Variants in SLC6A16 observed in about 807,000 individuals in gnomAD.
SLC6A16 encodes solute carrier family 6 member 16.
Under a neutral mutation model 65.4 loss-of-function variants are expected in SLC6A16, and 54 were observed. The ratio of observed to expected loss-of-function variants is 0.83; its 90% CI spans 0.66 to 1.04. The LOEUF (loss-of-function observed/expected upper bound fraction) is 1.04. Ranked by LOEUF, SLC6A16 falls within the 50% of genes least tolerant of loss-of-function variation. The probability of loss-of-function intolerance (pLI) is 0.00; values close to 1 mark genes in which losing one functional copy is unlikely to be tolerated. For missense variants in SLC6A16, 816 were observed against 914.0 expected (o/e 0.89, Z 1.38); for synonymous variants, 330 against 346.5 (o/e 0.95, Z 0.53).
chr19:49,335,697 G>C, the SLC6A16 span: 19 of 1,613,438 alleles, frequency 1.2e-5, no homozygotes, highest in Non-Finnish European at 1.6e-5. This position sits in a 1 kb window ranked among gnomAD's most constrained non-coding sequence, Gnocchi z 4.6. Context: ...CCCCGTATCC[G>C]CATCTCCTCT....
chr19:49,293,977 A>G lies in SLC6A16; in HGVS notation c.1468T>C (p.Phe490Leu), dbSNP rs1268789887. 19 of 1,613,636 alleles carry G rather than the reference A, an allele frequency of 1.2e-5. No individual in the cohort carries two copies. Among genetic ancestry groups the G allele is most frequent in the Admixed American group, 3.3e-5 (2 of 60,006 alleles). ...AFLSFVEAMSFLPPSVFWSFI... is the reference protein window; with the variant it reads ...AFLSFVEAMSLLPPSVFWSFI... ...GACCAGAAGACAGACGGAGGAAGGA[A>G]GGACATGGCTTCAACAAAGGACAGG... is the stretch of plus-strand genomic sequence containing the variant. Residue 490 changes from phenylalanine (F) to leucine (L), a missense_variant, in exon 9 of 12, where the codon TTC becomes CTC. Coordinates refer to ENST00000335875, the MANE Select transcript of SLC6A16 (RefSeq NM_014037.3).
intron 6 of SLC6A16, 26 bp downstream of exon 6, chr19:49,309,275 C>T (rs373466165): frequency 8.2e-5 from 131 of 1,590,992 alleles, no homozygotes; most frequent in African/African-American, 3.0e-4. Flanking sequence ...CAAGGCCTGA[C>T]GGGGGAGTGA....
At chr19:49,307,743 A>G (rs948231644) in intron 7 of SLC6A16, among the ~76,000 whole-genome samples, 6 of 150,216 alleles carry the variant, frequency 4.0e-5, no homozygotes, top group Admixed American at 6.6e-5. Context: ...AGAAAAAGAA[A>G]AAAAAGAAAA....
At chr19:49,323,499 C>T (rs181061074) in intron 1 of SLC6A16, among the ~76,000 whole-genome samples, 31 of 152,106 alleles carry the variant, frequency 2.0e-4, no homozygotes, top group Middle Eastern at 3.4e-3. Flanking sequence ...ATAGAGAACT[C>T]GTAAAACTCA....
At chr19:49,294,169 C>T (rs1287814449) in intron 8 of SLC6A16, 141 bp from the exon 9 acceptor site, 2 of 910,014 alleles carry the variant, frequency 2.2e-6, no homozygotes, top group African/African-American at 1.7e-5. Context: ...CCAAGCTAAC[C>T]CCCTGACATG....
chr19:49,336,662 C>T, the SLC6A16 span: 12 of 471,658 alleles, frequency 2.5e-5, no homozygotes, highest in East Asian at 1.1e-4. Flanking sequence ...CTACTGGGGA[C>T]GAGGAGGAGC....
intron 1 of SLC6A16, among the ~76,000 whole-genome samples, chr19:49,314,724 A>C (rs1425319840): frequency 6.6e-6 from 1 of 152,208 alleles, no homozygotes; most frequent in East Asian, 1.9e-4. Context: ...AGAGCACAAC[A>C]TCATTTCTGT....
chr19:49,340,077 A>G, the SLC6A16 span: 44 of 1,525,770 alleles, frequency 2.9e-5, no homozygotes, highest in South Asian at 5.4e-4. Flanking sequence ...CCGCCTCATC[A>G]GCCAGCCCTG....
intron 1 of SLC6A16, among the ~76,000 whole-genome samples, chr19:49,321,185 C>A (rs976373809): frequency 6.6e-6 from 1 of 152,026 alleles, no homozygotes; most frequent in African/African-American, 2.4e-5. Flanking sequence ...GGATTTATTC[C>A]TGGAATGCAA....
the SLC6A16 span, among the ~76,000 whole-genome samples, chr19:49,333,334 G>A: frequency 2.6e-5 from 4 of 151,750 alleles, no homozygotes; most frequent in Non-Finnish European, 4.4e-5. Context: ...TTAGCCGGGC[G>A]TAGTGGGTCA....
chr19:49,338,268 C>T, the SLC6A16 span: 1 of 1,186,714 alleles, frequency 8.4e-7, no homozygotes, highest in East Asian at 2.8e-5. The surrounding 1 kb of genome is among the most constrained non-coding windows in gnomAD (Gnocchi z 5.0). Context: ...TCCGCCCCCG[C>T]CCCCGCCCCG....
At chr19:49,335,945 C>T in the SLC6A16 span, 1 of 665,042 alleles carries the variant, frequency 1.5e-6, no homozygotes, top group Non-Finnish European at 2.7e-6. This position sits in a 1 kb window ranked among gnomAD's most constrained non-coding sequence, Gnocchi z 4.6. Context: ...GAGTCTTCTT[C>T]CGGCAAATGG....
chr19:49,296,653 C>G (rs1173200058), intron 7 of SLC6A16, among the ~76,000 whole-genome samples: 1 of 152,126 alleles, frequency 6.6e-6, no homozygotes, highest in African/African-American at 2.4e-5. Context: ...AAATAGATAT[C>G]TAAACAGAAA....
rs767510310 is a variant in SLC6A16, at chr19:49,310,102, TG to T, written c.637del (p.Gln213SerfsTer14). The T allele has an allele frequency of 6.2e-7, 1 of 1,614,114 alleles. No homozygotes were observed. Among genetic ancestry groups the T allele is most frequent in the Admixed American group, 1.7e-5 (1 of 59,988 alleles). ...VNSWIIFYMSQSFQFPVPWEK... is the reference protein window; with the variant it reads ...VNSWIIFYMSXSFQFPVPWEK... ...CCATGGAACGGGAAACTGGAAGGAC[TG>T]GCTCATGTAGAAGATGATCCAGGAA... is the stretch of plus-strand genomic sequence containing the variant. On this transcript the variant is annotated frameshift_variant, in exon 4 of 12. Transcript: ENST00000335875. LOFTEE classifies it high-confidence loss of function.
At chr19:49,298,443 G>T (rs1970224432) in intron 7 of SLC6A16, among the ~76,000 whole-genome samples, 1 of 152,110 alleles carries the variant, frequency 6.6e-6, no homozygotes, top group Non-Finnish European at 1.5e-5. Context: ...GACATGAACA[G>T]ATACTTCTCA....
chr19:49,321,902 A>G (rs1970716832), intron 1 of SLC6A16, among the ~76,000 whole-genome samples: 1 of 151,914 alleles, frequency 6.6e-6, no homozygotes, highest in Non-Finnish European at 1.5e-5. Flanking sequence ...AGCCTGGGTC[A>G]CAAAGTGACA....
intron 1 of SLC6A16, chr19:49,312,562 T>C (rs907372455): frequency 5.1e-6 from 5 of 984,938 alleles, no homozygotes; most frequent in Admixed American, 6.2e-5. Context: ...CCCGCCACTC[T>C]GAACTTCTGT....
chr19:49,313,072 CAAAAAAAA>C (rs5828385), intron 1 of SLC6A16, among the ~76,000 whole-genome samples: 6 of 95,810 alleles, frequency 6.3e-5, no homozygotes, highest in African/African-American at 5.3e-5. Flanking sequence ...AACCCTGTCT[CAAAAAAAA>C]AAAAAAAAAA....
chr19:49,326,532 T>C (rs1330693532), upstream of SLC6A16, among the ~76,000 whole-genome samples: 1 of 152,184 alleles, frequency 6.6e-6, no homozygotes, highest in Non-Finnish European at 1.5e-5. Context: ...GGGGGTGCTG[T>C]AAGAATTCAT....
Sources: allele counts gnomAD v4.1 joint callset (sites outside exome capture counted in the v4.1 genomes callset), GRCh38; gene constraint gnomAD v4.1.1; non-coding constraint Gnocchi (gnomAD v3.1); transcripts MANE v1.5; gene names NCBI Gene and HGNC (gene_info 2026-07-23, HGNC 2026-07-21).